Variants in BRDT observed in about 807,000 individuals in gnomAD.
The protein encoded by BRDT is bromodomain testis-specific protein.
Under a neutral mutation model 113.9 loss-of-function variants are expected in BRDT, and 77 were observed. That is an observed-to-expected ratio of 0.68 (90% CI 0.56 to 0.82). The LOEUF (loss-of-function observed/expected upper bound fraction) is 0.82, where lower values mean the gene tolerates loss of function less well. BRDT is among the 40% of genes least tolerant of loss of function. The pLI, the probability that BRDT is intolerant of heterozygous loss-of-function variation, is 0.00. For synonymous variants in BRDT, 358 were observed against 366.5 expected (o/e 0.98, Z 0.26); for missense variants, 1,027 against 1,105.4 (o/e 0.93, Z 1.01).
Position 92,004,121 on chromosome 1 carries a change from T to G in BRDT, c.2389-293T>G, listed in dbSNP as rs139871027. On this transcript the variant is annotated intron_variant, in intron 16 of 18. Transcript: ENST00000399546. ...ATTACACTGAGGGATTTATTTATTT[T>G]TATGCTTTCTGCAAATTATGCAGTT... is the stretch of plus-strand genomic sequence containing the variant. Among the ~76,000 whole-genome samples the G allele has an allele frequency of 9.9e-3, 1,502 of 152,276 alleles. 14 individuals are homozygous for G. Among genetic ancestry groups the G allele is most frequent in the Non-Finnish European group, 0.014 (925 of 67,974 alleles).
chr1:91,956,834 G>A (rs1223891739), intron 1 of BRDT, among the ~76,000 whole-genome samples: 1 of 152,138 alleles, frequency 6.6e-6, no homozygotes, highest in Non-Finnish European at 1.5e-5. Flanking sequence ...TCCTACTCAG[G>A]AAACTGAGGG....
intron 4 of BRDT, among the ~76,000 whole-genome samples, chr1:91,975,907 C>G (rs1684097480): frequency 6.6e-6 from 1 of 152,202 alleles, no homozygotes; most frequent in Admixed American, 6.5e-5. Context: ...TTATGCAGAG[C>G]ATTCTGAAGA....
chr1:91,979,011 A>AAAAAAAAC (rs1553189994), intron 7 of BRDT, among the ~76,000 whole-genome samples: 2 of 130,814 alleles, frequency 1.5e-5, no homozygotes, highest in Admixed American at 8.2e-5. Context: ...AAAAAAAAAA[A>AAAAAAAAC]AACAACAACA....
intron 4 of BRDT, 27 bp downstream of exon 4, chr1:91,968,287 G>A: frequency 6.2e-7 from 1 of 1,608,552 alleles, no homozygotes; most frequent in Non-Finnish European, 8.5e-7. Context: ...ACACTTTATG[G>A]TTCTCTCTCT....
At chr1:91,965,912 C>T in intron 3 of BRDT, among the ~76,000 whole-genome samples, 1 of 152,012 alleles carries the variant, frequency 6.6e-6, no homozygotes, top group East Asian at 1.9e-4. Context: ...CTTTCCCTGT[C>T]TCTTGTTTCT....
rs548622250 is a variant in BRDT, at chr1:92,002,372, G to T, written c.2388+223G>T. ...CTCTTGTTTGTGTTTTTTTGTTGTT[G>T]TTTTTTTTTGAGATGGAGTCTCACT... On this transcript the variant is annotated intron_variant, in intron 16 of 18. Coordinates refer to ENST00000399546, the MANE Select transcript of BRDT (RefSeq NM_207189.4). 2.0e-5 allele frequency among the ~76,000 whole-genome samples: 3 copies of T among 150,546 alleles called. No individual in the cohort carries two copies. The East Asian group carries it at 5.9e-4, about 29-fold the overall frequency.
Position 91,976,626 on chromosome 1 carries a change from A to G in BRDT, c.618+188A>G, listed in dbSNP as rs186732572. Among the ~76,000 whole-genome samples the G allele has an allele frequency of 6.6e-5, 10 of 152,240 alleles. No homozygotes were observed. In the East Asian group the frequency reaches 1.9e-3, roughly 29 times the overall value. On this transcript the variant is annotated intron_variant, in intron 5 of 18. Coordinates refer to ENST00000399546, the MANE Select transcript of BRDT (RefSeq NM_207189.4). ...GAATAGACACCTAAGAGGCTAGCCAAATTTTAGATATTTCTTAGGTAGAAT... is the reference window on the plus strand; with the variant it reads ...GAATAGACACCTAAGAGGCTAGCCAGATTTTAGATATTTCTTAGGTAGAAT...
At chr1:91,976,879 A>T (rs1684186180) in intron 5 of BRDT, among the ~76,000 whole-genome samples, 164 bp from the exon 6 acceptor site, 1 of 152,218 alleles carries the variant, frequency 6.6e-6, no homozygotes, top group African/African-American at 2.4e-5. Context: ...AAGGAAATTA[A>T]CCTTTAGCAA....
At chr1:91,998,251 C>T (rs548187435) in intron 15 of BRDT, among the ~76,000 whole-genome samples, 25 of 152,096 alleles carry the variant, frequency 1.6e-4, no homozygotes, top group African/African-American at 5.8e-4. Flanking sequence ...CAAACTAATA[C>T]AAGAACAGAA....
Position 91,981,617 on chromosome 1 carries a change from G to C in BRDT, c.1865-1G>C. 6.2e-7 allele frequency: 1 copy of C among 1,611,844 alleles called. No individual in the cohort carries two copies. Among genetic ancestry groups the C allele is most frequent in the Non-Finnish European group, 8.5e-7 (1 of 1,179,374 alleles). ...TTTTAATATGTTTCTCTGTTTTGTA[G>C]CTGATAAAACGCAACCATCCAAAGC... On this transcript the variant is annotated splice_acceptor_variant, in intron 11 of 18. Transcript: ENST00000399546. LOFTEE classifies it high-confidence loss of function.
chr1:91,984,524 A>G (rs1685020157), intron 12 of BRDT, among the ~76,000 whole-genome samples: 1 of 152,244 alleles, frequency 6.6e-6, no homozygotes, highest in African/African-American at 2.4e-5. Context: ...ATTTACTAAG[A>G]AAATTTAATT....
intron 6 of BRDT, 110 bp downstream of exon 6, chr1:91,977,503 C>A: frequency 2.1e-6 from 2 of 943,980 alleles, no homozygotes; most frequent in Non-Finnish European, 3.1e-6. Flanking sequence ...TAAGATCATC[C>A]AAGTCACACT....
At chr1:91,975,527 T>G (rs1453870463) in intron 4 of BRDT, among the ~76,000 whole-genome samples, 1 of 152,212 alleles carries the variant, frequency 6.6e-6, no homozygotes. Flanking sequence ...GATGATGCCT[T>G]GGGCCAGAGT....
Position 91,962,793 on chromosome 1 carries a change from C to G in BRDT, c.39C>G (p.Asn13Lys). 1 of 1,604,950 alleles carries G rather than the reference C, an allele frequency of 6.2e-7. No individual in the cohort carries two copies. The highest frequency in any genetic ancestry group is 8.5e-7 in the Non-Finnish European group (1 of 1,176,840). The change falls in exon 2 of 19, where the codon AAC (asparagine) becomes AAG (lysine). Residue 13 changes from asparagine (N) to lysine (K), a missense_variant. Coordinates refer to ENST00000399546, the MANE Select transcript of BRDT (RefSeq NM_207189.4). ...LPSRQTAIIV[N>K]PPPPEYINTK... ...GTCGACAAACAGCTATTATTGTTAA[C>G]CCTCCTCCACCAGAATATATAAATA...
At chr1:91,959,198 T>C (rs1226084458) in intron 1 of BRDT, among the ~76,000 whole-genome samples, 1 of 152,048 alleles carries the variant, frequency 6.6e-6, no homozygotes. Flanking sequence ...AAAAACGTAA[T>C]ACATAGTAAA....
chr1:91,959,217 T>C (rs1355307749), intron 1 of BRDT, among the ~76,000 whole-genome samples: 1 of 152,060 alleles, frequency 6.6e-6, no homozygotes, highest in Admixed American at 6.6e-5. Context: ...AATAATACTA[T>C]ATGTAAAGTT....
At position 91,978,299 on chromosome 1, in the gene BRDT, G is replaced by A; in HGVS notation, c.1098+3G>A. The A allele has an allele frequency of 6.2e-7, 1 of 1,613,798 alleles. No homozygotes were observed. Among genetic ancestry groups the A allele is most frequent in the Non-Finnish European group, 8.5e-7 (1 of 1,179,900 alleles). On this transcript the variant is annotated splice_donor_region_variant and intron_variant, in intron 7 of 18. Coordinates refer to ENST00000399546, the MANE Select transcript of BRDT (RefSeq NM_207189.4). ...TGACAATGGCAAGAATGCTTCAGGT[G>A]AGCTGTTACTTGTGCTCTGAAGGTG...
At chr1:91,957,153 T>C (rs1431456339) in intron 1 of BRDT, among the ~76,000 whole-genome samples, 2 of 152,138 alleles carry the variant, frequency 1.3e-5, no homozygotes, top group African/African-American at 4.8e-5. Context: ...GCAAAAACTT[T>C]TGTGTTAGCG....
At position 91,983,796 on chromosome 1, in the gene BRDT, C is replaced by T. The variant is rs976463420; in HGVS notation, c.2002+2041C>T. ...TCCTGGGTTCAAGTGATCCTCCTAC[C>T]GCAGTCTCCCAAGTAGCTGGGATTA... is the stretch of plus-strand genomic sequence containing the variant. On this transcript the variant is annotated intron_variant, in intron 12 of 18. Transcript: ENST00000399546. Among the ~76,000 whole-genome samples the T allele has an allele frequency of 4.6e-5, 7 of 151,854 alleles. No individual in the cohort carries two copies. The East Asian group carries it at 5.8e-4, about 13-fold the overall frequency.
Sources: allele counts gnomAD v4.1 joint callset (sites outside exome capture counted in the v4.1 genomes callset), GRCh38; gene constraint gnomAD v4.1.1; transcripts MANE v1.5; gene names NCBI Gene and HGNC (gene_info 2026-07-23, HGNC 2026-07-21).